ATP6V1G1: variants seen among roughly 807,000 people sequenced by gnomAD.
ATP6V1G1 encodes the protein ATPase H+ transporting V1 subunit G1.
ATP6V1G1 carries 14 observed loss-of-function variants against 14.2 expected under a neutral mutation model. That is an observed-to-expected ratio of 0.99 (90% CI 0.65 to 1.55). The LOEUF is 1.55. Ranked by LOEUF, ATP6V1G1 falls within the 40% of genes most tolerant of loss-of-function variation. The pLI is 0.00. For synonymous variants in ATP6V1G1, 65 were observed against 53.3 expected (o/e 1.22, Z -0.96); for missense variants, 137 against 146.4 (o/e 0.94, Z 0.33).
intron 1 of ATP6V1G1, among the ~76,000 whole-genome samples, chr9:114,588,847 G>A (rs1465606168): frequency 6.6e-6 from 1 of 151,974 alleles, no homozygotes; most frequent in Non-Finnish European, 1.5e-5. Context: ...ATAAATAAGT[G>A]CAGATATGAT....
chr9:114,587,861 T>G lies in ATP6V1G1; in HGVS notation c.23T>G (p.Ile8Ser), dbSNP rs1206914531. MASQSQG[I>S]QQLLQAEKRA... ...GCCATGGCTAGTCAGTCTCAGGGGATTCAGCAGCTGCTGCAGGCCGAGAAG... is the reference window on the plus strand; with the variant it reads ...GCCATGGCTAGTCAGTCTCAGGGGAGTCAGCAGCTGCTGCAGGCCGAGAAG... Residue 8 changes from isoleucine (I) to serine (S), a missense_variant, in exon 1 of 3, where the codon ATT becomes AGT. Coordinates refer to ENST00000374050, the MANE Select transcript of ATP6V1G1 (RefSeq NM_004888.4). 6.3e-7 allele frequency: 1 copy of G among 1,594,488 alleles called. No individual in the cohort carries two copies. The highest frequency in any genetic ancestry group is 1.1e-5 in the South Asian group (1 of 87,870).
intron 1 of ATP6V1G1, among the ~76,000 whole-genome samples, chr9:114,589,836 A>G (rs1284424240): frequency 6.6e-6 from 1 of 152,134 alleles, no homozygotes; most frequent in Non-Finnish European, 1.5e-5. Flanking sequence ...TTTATGTTTT[A>G]TACCTTTATC....
rs1378390692 is a variant in ATP6V1G1, at chr9:114,592,477, T to C, written c.83-75T>C. 1.2e-5 allele frequency: 16 copies of C among 1,363,330 alleles called. No homozygotes were observed. In the Admixed American group the frequency reaches 3.7e-4, roughly 31 times the overall value. 84.5% of individuals were successfully genotyped at this position (1,363,330 alleles called of 1,614,324 possible). A position where few individuals can be genotyped will look rare whatever the true frequency, so the allele number is the denominator to read the frequency against. On this transcript the variant is annotated intron_variant, in intron 1 of 2. Transcript: ENST00000374050. Reference sequence around the variant, plus strand: ...ATAATTTATTCTTGGCTTATTGTTATAATATACCATCTTGTCTCTGCTTGC... The same window carrying C: ...ATAATTTATTCTTGGCTTATTGTTACAATATACCATCTTGTCTCTGCTTGC...
chr9:114,588,140 T>C (rs1845145595), intron 1 of ATP6V1G1: 2 of 593,988 alleles, frequency 3.4e-6, no homozygotes, highest in East Asian at 2.8e-5. Flanking sequence ...GTGGAAACAA[T>C]AATGGGTTAC....
chr9:114,588,898 A>C (rs1183343832), intron 1 of ATP6V1G1, among the ~76,000 whole-genome samples: 7 of 152,190 alleles, frequency 4.6e-5, no homozygotes, highest in African/African-American at 1.7e-4. Flanking sequence ...GTTCCTGCAG[A>C]AGAAAGCTCA....
chr9:114,595,673 T>G (rs1017589354), intron 2 of ATP6V1G1, among the ~76,000 whole-genome samples: 5 of 151,848 alleles, frequency 3.3e-5, no homozygotes, highest in Non-Finnish European at 7.4e-5. Context: ...AATGGAGTGA[T>G]AAAGTCAGGC....
At chr9:114,593,350 C>T (rs528362475) in intron 2 of ATP6V1G1, among the ~76,000 whole-genome samples, 13 of 152,292 alleles carry the variant, frequency 8.5e-5, no homozygotes, top group African/African-American at 3.1e-4. Context: ...GACTTTCTCT[C>T]ACCTCTGTGT....
chr9:114,591,148 A>G (rs1845178610), intron 1 of ATP6V1G1, among the ~76,000 whole-genome samples: 1 of 152,238 alleles, frequency 6.6e-6, no homozygotes, highest in Non-Finnish European at 1.5e-5. Context: ...ATTGGAGTGA[A>G]ACAAAACACT....
intron 1 of ATP6V1G1, among the ~76,000 whole-genome samples, chr9:114,588,866 C>T (rs1472736655): frequency 1.3e-5 from 2 of 150,036 alleles, no homozygotes; most frequent in Non-Finnish European, 2.9e-5. Context: ...ATTTCCCTAC[C>T]GCCTTTGTAG....
At chr9:114,596,396 A>AG (rs1845238959) in intron 2 of ATP6V1G1, among the ~76,000 whole-genome samples, 1 of 152,022 alleles carries the variant, frequency 6.6e-6, no homozygotes, top group East Asian at 1.9e-4. Flanking sequence ...TCAAAAAAAA[A>AG]AAAAAAAAAG....
chr9:114,592,774 G>T, intron 2 of ATP6V1G1, 122 bp downstream of exon 2: 3 of 985,306 alleles, frequency 3.0e-6, no homozygotes, highest in Admixed American at 2.8e-5. Flanking sequence ...GTAGCTGTGT[G>T]TTTTATTGGC....
intron 1 of ATP6V1G1, 198 bp downstream of exon 1, chr9:114,588,118 G>C: frequency 1.6e-6 from 1 of 616,866 alleles, no homozygotes; most frequent in East Asian, 2.8e-5. Flanking sequence ...GATGTGAGAT[G>C]GTAAATTGGG....
intron 2 of ATP6V1G1, among the ~76,000 whole-genome samples, chr9:114,594,472 C>T (rs1441896757): frequency 6.6e-6 from 1 of 151,970 alleles, no homozygotes; most frequent in African/African-American, 2.4e-5. Flanking sequence ...CGACCTCCAC[C>T]TCCCAGGTTC....
chr9:114,596,326 T>TG (rs1380470023), intron 2 of ATP6V1G1, among the ~76,000 whole-genome samples: 4 of 149,292 alleles, frequency 2.7e-5, no homozygotes, highest in Non-Finnish European at 4.4e-5. Context: ...AGGCGGAGCT[T>TG]GCAGTGAACG....
At chr9:114,597,192 G>A (rs927378609) in intron 2 of ATP6V1G1, among the ~76,000 whole-genome samples, 5 of 151,620 alleles carry the variant, frequency 3.3e-5, no homozygotes, top group Non-Finnish European at 5.9e-5. Context: ...GGGTTTCACC[G>A]TGTTAGCCAG....
At chr9:114,593,359 G>A (rs1845203233) in intron 2 of ATP6V1G1, among the ~76,000 whole-genome samples, 1 of 152,038 alleles carries the variant, frequency 6.6e-6, no homozygotes. Flanking sequence ...TCACCTCTGT[G>A]TTTGGCTTTG....
chr9:114,590,977 G>A (rs1293032129), intron 1 of ATP6V1G1, among the ~76,000 whole-genome samples: 2 of 151,896 alleles, frequency 1.3e-5, no homozygotes, highest in Non-Finnish European at 2.9e-5. Flanking sequence ...TGTGTTTTTA[G>A]TAGAGACAGG....
Position 114,587,782 on chromosome 9 carries a change from C to T in ATP6V1G1, c.-57C>T. On this transcript the variant is annotated 5_prime_UTR_variant, in exon 1 of 3. Transcript: ENST00000374050. ...TTGTGGGCGGCTGTGTCAGCTGACC[C>T]AAGGGGCCTTCGAGGTGCCTTAGGC... 6.5e-7 allele frequency: 1 copy of T among 1,534,312 alleles called. No homozygotes were observed. The highest frequency in any genetic ancestry group is 1.2e-5 in the South Asian group (1 of 83,340).
chr9:114,597,826 T>C lies in ATP6V1G1; in HGVS notation c.*83T>C, dbSNP rs1249407519. Reference sequence around the variant, plus strand: ...CTTAGCACAGCTCTAGTTACATTCTTATGATATGGCATTAAATTATTTCCA... The same window carrying C: ...CTTAGCACAGCTCTAGTTACATTCTCATGATATGGCATTAAATTATTTCCA... On this transcript the variant is annotated 3_prime_UTR_variant, in exon 3 of 3. Transcript: ENST00000374050. 2.4e-6 allele frequency: 3 copies of C among 1,237,442 alleles called. No individual in the cohort carries two copies. The highest frequency in any genetic ancestry group is 3.2e-6 in the Non-Finnish European group (3 of 951,898). The allele number at this position is 1,237,442 out of a possible 1,614,324, so 76.7% of individuals were successfully genotyped here.
Sources: allele counts gnomAD v4.1 joint callset (sites outside exome capture counted in the v4.1 genomes callset), GRCh38; gene constraint gnomAD v4.1.1; transcripts MANE v1.5; gene names NCBI Gene and HGNC (gene_info 2026-07-23, HGNC 2026-07-21).